The following NCK1 variants were observed in gnomAD, a reference collection of about 807,000 sequenced individuals.
NCK1 encodes NCK adaptor protein 1.
A neutral mutation model predicts 36.6 loss-of-function variants in NCK1; 19 were observed. The ratio of observed to expected loss-of-function variants is 0.52; its 90% CI spans 0.36 to 0.76. The LOEUF is 0.76. NCK1 is among the 30% of genes least tolerant of loss of function. The pLI, the probability that NCK1 is intolerant of heterozygous loss-of-function variation, is 0.00. For missense variants in NCK1, 358 were observed against 445.6 expected (o/e 0.80, Z 1.77); for synonymous variants, 165 against 156.0 (o/e 1.06, Z -0.43).
At chr3:136,866,506 C>T (rs988584551) in intron 1 of NCK1, among the ~76,000 whole-genome samples, 5 of 151,700 alleles carry the variant, frequency 3.3e-5, no homozygotes, top group Admixed American at 6.6e-5. Context: ...GGGGTTTCTC[C>T]GTGTTGGTCA....
chr3:136,929,667 T>C (rs1026667496), intron 2 of NCK1, among the ~76,000 whole-genome samples: 1 of 152,190 alleles, frequency 6.6e-6, no homozygotes, highest in South Asian at 2.1e-4. Context: ...CAAGAAAGTA[T>C]GCCTCATAGT....
chr3:136,867,167 TCC>T (rs1938466177), intron 1 of NCK1, among the ~76,000 whole-genome samples: 3 of 59,352 alleles, frequency 5.1e-5, no homozygotes, highest in Non-Finnish European at 1.0e-4. Flanking sequence ...CTTCCTTCCT[TCC>T]TTCCTTCCTT....
Position 136,945,653 on chromosome 3 carries a change from C to T in NCK1, c.297C>T (p.Asp99=). ...SASPADDSFV[D]PGERLYDLNM... ...CTCCTGCTGATGATAGTTTTGTTGA[C>T]CCAGGGGAACGTCTCTATGACCTCA... The change falls in exon 3 of 4, where the codon GAC becomes GAT. Residue 99 remains aspartate (D), a synonymous_variant. Coordinates refer to ENST00000481752, the MANE Select transcript of NCK1 (RefSeq NM_001291999.2). The T allele has an allele frequency of 6.2e-7, 1 of 1,613,946 alleles. No homozygotes were observed.
chr3:136,903,632 C>T (rs924236461), intron 1 of NCK1, among the ~76,000 whole-genome samples: 55 of 152,072 alleles, frequency 3.6e-4, no homozygotes, highest in Non-Finnish European at 4.1e-4. Flanking sequence ...ACCGTGTAGG[C>T]CAGCCTGGTC....
rs367665146 is a variant in NCK1 at position 136,945,977 on chromosome 3, A to G, written c.621A>G (p.Glu207=). The change falls in exon 3 of 4, where the codon GAA becomes GAG. Residue 207 remains glutamate, a synonymous_variant. Transcript: ENST00000481752. ...ALYPFSSSND[E]ELNFEKGDVM... ...ACCCATTCAGCTCATCTAATGATGA[A>G]GAACTTAATTTCGAGAAAGGAGATG... is the stretch of plus-strand genomic sequence containing the variant. 18 of 1,614,108 alleles carry G rather than the reference A, an allele frequency of 1.1e-5. No homozygotes were observed. The highest frequency in any genetic ancestry group is 1.4e-5 in the Non-Finnish European group (17 of 1,180,004).
intron 2 of NCK1, among the ~76,000 whole-genome samples, chr3:136,933,848 G>A (rs191239819): frequency 7.8e-4 from 119 of 152,162 alleles, no homozygotes; most frequent in Non-Finnish European, 1.5e-3. Context: ...GGGACTACAG[G>A]TGCATGCCAC....
intron 1 of NCK1, among the ~76,000 whole-genome samples, chr3:136,922,975 C>G (rs750591273): frequency 2.0e-5 from 3 of 152,118 alleles, no homozygotes; most frequent in Non-Finnish European, 2.9e-5. Flanking sequence ...TGATGACGCA[C>G]TCTGCAATTG....
At chr3:136,941,116 C>CTTTTTTT (rs34776608) in intron 2 of NCK1, among the ~76,000 whole-genome samples, 3 of 100,098 alleles carry the variant, frequency 3.0e-5, no homozygotes, top group Non-Finnish European at 4.0e-5. Context: ...ATTTCTTTTT[C>CTTTTTTT]TTTTTTTTTT....
intron 1 of NCK1, among the ~76,000 whole-genome samples, chr3:136,921,314 G>A (rs941310582): frequency 6.6e-6 from 1 of 152,122 alleles, no homozygotes; most frequent in African/African-American, 2.4e-5. Flanking sequence ...TTTAACTCAG[G>A]AAACAACTAG....
chr3:136,876,226 A>G (rs1237676025), intron 1 of NCK1, among the ~76,000 whole-genome samples: 5 of 152,326 alleles, frequency 3.3e-5, no homozygotes, highest in Non-Finnish European at 7.3e-5. Context: ...TGACACCCTA[A>G]CATCACAATT....
At chr3:136,907,459 T>C (rs539600104) in intron 1 of NCK1, among the ~76,000 whole-genome samples, 4 of 152,294 alleles carry the variant, frequency 2.6e-5, no homozygotes, top group Middle Eastern at 3.4e-3. Flanking sequence ...TCTAGGCACC[T>C]CTTTATGTTA....
intron 2 of NCK1, among the ~76,000 whole-genome samples, chr3:136,935,370 G>A (rs3845924): frequency 8.6e-5 from 13 of 151,958 alleles, no homozygotes; most frequent in African/African-American, 2.9e-4. Flanking sequence ...TGTATTTTCA[G>A]GTTTAACTTT....
intron 1 of NCK1, among the ~76,000 whole-genome samples, chr3:136,864,506 CAG>C (rs1236019925): frequency 1.3e-5 from 2 of 149,348 alleles, no homozygotes; most frequent in African/African-American, 4.9e-5. Context: ...AAAAAAAAAA[CAG>C]AAACAAAAAA....
At chr3:136,902,377 T>G (rs2108101776) in intron 1 of NCK1, among the ~76,000 whole-genome samples, 1 of 152,086 alleles carries the variant, frequency 6.6e-6, no homozygotes, top group East Asian at 1.9e-4. Flanking sequence ...TGTATTTTAG[T>G]AAAAACGGGG....
intron 1 of NCK1, among the ~76,000 whole-genome samples, chr3:136,895,841 A>G (rs1351756331): frequency 6.6e-6 from 1 of 152,238 alleles, no homozygotes; most frequent in African/African-American, 2.4e-5. Flanking sequence ...CTGGGATTAC[A>G]GGTATGAGCC....
At chr3:136,933,515 GAAGTA>G in intron 2 of NCK1, among the ~76,000 whole-genome samples, 1 of 152,144 alleles carries the variant, frequency 6.6e-6, no homozygotes, top group South Asian at 2.1e-4. Flanking sequence ...TAGGAAAAGA[GAAGTA>G]AAGACCAGTG....
intron 2 of NCK1, 199 bp downstream of exon 2, chr3:136,928,426 C>T (rs898339375): frequency 1.8e-5 from 10 of 570,798 alleles, no homozygotes; most frequent in African/African-American, 9.4e-5. Flanking sequence ...TAAATCTAGG[C>T]CCATGCTCCA....
chr3:136,866,912 C>A (rs1576936791), intron 1 of NCK1, among the ~76,000 whole-genome samples: 1 of 143,948 alleles, frequency 6.9e-6, no homozygotes, highest in East Asian at 2.2e-4. Context: ...TGTGCCCGTC[C>A]AGTTTGCCTA....
chr3:136,942,454 CAG>C (rs566544491), intron 2 of NCK1, among the ~76,000 whole-genome samples: 81 of 152,270 alleles, frequency 5.3e-4, no homozygotes, highest in African/African-American at 1.7e-3. Flanking sequence ...AGGGTTTTAA[CAG>C]AGTTTCGTTA....
Sources: gnomAD v4.1 joint callset for allele counts (sites outside exome capture counted in the v4.1 genomes callset) on GRCh38, gnomAD v4.1.1 for gene constraint, MANE v1.5 for transcripts, NCBI Gene and HGNC (gene_info 2026-07-23, HGNC 2026-07-21) for gene names.